ASTN2: variants seen among roughly 807,000 people sequenced by gnomAD.
ASTN2 encodes astrotactin-2.
ASTN2 carries 54 observed loss-of-function variants against 139.8 expected under a neutral mutation model. The observed-to-expected ratio is 0.39, with a 90% CI of 0.31 to 0.48. The LOEUF is 0.48. ASTN2 is among the 20% of genes least tolerant of loss of function. ASTN2 has a pLI of 0.95. For synonymous variants in ASTN2, 756 were observed against 719.5 expected (o/e 1.05, Z -0.81); for missense variants, 1,565 against 1,725.1 (o/e 0.91, Z 1.64).
intron 5 of ASTN2, among the ~76,000 whole-genome samples, chr9:117,056,491 C>G (rs531497321): frequency 6.6e-6 from 1 of 152,116 alleles, no homozygotes; most frequent in African/African-American, 2.4e-5. Context: ...CACAGAGAGA[C>G]AAGTGAGAAG....
intron 17 of ASTN2, 50 bp from the exon 18 acceptor site, chr9:116,620,493 A>G: frequency 6.2e-7 from 1 of 1,610,050 alleles, no homozygotes; most frequent in Non-Finnish European, 8.5e-7. Flanking sequence ...CAGGGGAGAG[A>G]TTGAGAGTAA....
At chr9:117,180,909 C>A (rs1034898224) in intron 3 of ASTN2, 1 of 1,592,816 alleles carries the variant, frequency 6.3e-7, no homozygotes, top group South Asian at 1.1e-5. Context: ...CAATTACATG[C>A]TCCTTGTTCT....
At chr9:116,484,455 C>T (rs982790815) in intron 20 of ASTN2, among the ~76,000 whole-genome samples, 1 of 152,188 alleles carries the variant, frequency 6.6e-6, no homozygotes, top group Non-Finnish European at 1.5e-5. Flanking sequence ...CTGCCGCACA[C>T]AGTCTTCTTG....
At chr9:116,525,937 T>A (rs1851070901) in intron 19 of ASTN2, among the ~76,000 whole-genome samples, 2 of 152,168 alleles carry the variant, frequency 1.3e-5, no homozygotes, top group Non-Finnish European at 2.9e-5. Flanking sequence ...CACACCTCTC[T>A]GCTTTTTCCT....
At chr9:117,328,101 T>G (rs974798429) in intron 1 of ASTN2, among the ~76,000 whole-genome samples, 4 of 152,188 alleles carry the variant, frequency 2.6e-5, no homozygotes, top group African/African-American at 9.7e-5. Context: ...ATTCTGAGTT[T>G]CATTCTCGAG....
At chr9:116,821,394 T>C (rs1209545088) in intron 11 of ASTN2, among the ~76,000 whole-genome samples, 3 of 152,212 alleles carry the variant, frequency 2.0e-5, no homozygotes. Context: ...ATTTGGCACA[T>C]AATTTGGTAC....
intron 20 of ASTN2, among the ~76,000 whole-genome samples, chr9:116,475,274 C>T (rs779990747): frequency 1.3e-5 from 2 of 152,146 alleles, no homozygotes; most frequent in Non-Finnish European, 2.9e-5. Flanking sequence ...CTGTGCCATG[C>T]CTAATTTACT....
At chr9:117,052,398 C>T (rs1838937095) in intron 5 of ASTN2, among the ~76,000 whole-genome samples, 1 of 141,184 alleles carries the variant, frequency 7.1e-6, no homozygotes, top group Non-Finnish European at 1.5e-5. Flanking sequence ...TATCACACCA[C>T]TGCACTCCAG....
At chr9:116,945,050 C>A (rs1379576684) in intron 10 of ASTN2, among the ~76,000 whole-genome samples, 2 of 152,124 alleles carry the variant, frequency 1.3e-5, no homozygotes, top group African/African-American at 4.8e-5. Context: ...GCATGTTCAG[C>A]GGTGGTTTAT....
chr9:116,438,384 A>G (rs1247977219), intron 22 of ASTN2, among the ~76,000 whole-genome samples: 1 of 152,176 alleles, frequency 6.6e-6, no homozygotes, highest in Non-Finnish European at 1.5e-5. Flanking sequence ...TTTAAAGGAC[A>G]TTCAGGATCT....
intron 5 of ASTN2, among the ~76,000 whole-genome samples, chr9:117,080,772 T>G (rs1889318): frequency 3.9e-5 from 6 of 151,958 alleles, no homozygotes; most frequent in Non-Finnish European, 8.8e-5. Flanking sequence ...TCTTGACTTC[T>G]TCCACAGACA....
At chr9:116,722,893 C>T (rs1389101496) in intron 16 of ASTN2, among the ~76,000 whole-genome samples, 1 of 152,172 alleles carries the variant, frequency 6.6e-6, no homozygotes, top group Non-Finnish European at 1.5e-5. Flanking sequence ...AGGCTGGGCG[C>T]TGTGGCTTAC....
intron 11 of ASTN2, among the ~76,000 whole-genome samples, chr9:116,846,734 C>T (rs1032349192): frequency 1.3e-5 from 2 of 152,080 alleles, no homozygotes; most frequent in Non-Finnish European, 2.9e-5. Context: ...GTAGCTGGTC[C>T]GTAAGGGGTC....
chr9:116,930,946 C>T (rs1445912756), intron 10 of ASTN2, among the ~76,000 whole-genome samples: 22 of 152,054 alleles, frequency 1.4e-4, no homozygotes, highest in Admixed American at 1.4e-3. Flanking sequence ...CCTCCAGGCC[C>T]AGTCCTTCCC....
At chr9:116,451,161 A>G (rs959535239) in intron 20 of ASTN2, among the ~76,000 whole-genome samples, 28 of 152,216 alleles carry the variant, frequency 1.8e-4, no homozygotes, top group African/African-American at 6.3e-4. Context: ...AGCAACCTGG[A>G]AACGGTGCTA....
intron 5 of ASTN2, among the ~76,000 whole-genome samples, chr9:117,077,851 C>T (rs1828321797): frequency 6.6e-6 from 1 of 152,206 alleles, no homozygotes; most frequent in African/African-American, 2.4e-5. Flanking sequence ...CCTGGCCCTT[C>T]ATCCAATGTT....
intron 19 of ASTN2, among the ~76,000 whole-genome samples, chr9:116,604,767 C>A (rs1855099190): frequency 6.6e-6 from 1 of 152,166 alleles, no homozygotes; most frequent in South Asian, 2.1e-4. Context: ...CATAACTGCT[C>A]CCTTTTACTA....
At chr9:116,665,449 T>C (rs1858804994) in intron 16 of ASTN2, among the ~76,000 whole-genome samples, 1 of 152,170 alleles carries the variant, frequency 6.6e-6, no homozygotes, top group African/African-American at 2.4e-5. Context: ...GACTTGTTTT[T>C]GTCTTTGAAA....
chr9:117,057,317 A>G (rs993161465), intron 5 of ASTN2, among the ~76,000 whole-genome samples: 26 of 152,190 alleles, frequency 1.7e-4, no homozygotes, highest in Non-Finnish European at 3.5e-4. Context: ...ATGGAAGGCC[A>G]CAGATTATTT....
Sources: allele counts gnomAD v4.1 joint callset (sites outside exome capture counted in the v4.1 genomes callset), GRCh38; gene constraint gnomAD v4.1.1; transcripts MANE v1.5; gene names NCBI Gene and HGNC (gene_info 2026-07-23, HGNC 2026-07-21).